NRXN1: variants seen among roughly 807,000 people sequenced by gnomAD.
NRXN1 encodes the protein neurexin-1.
In NRXN1, 39 loss-of-function variants were observed where a neutral mutation model predicts 150.9. That is an observed-to-expected ratio of 0.26 (90% confidence interval 0.20 to 0.34). The LOEUF (loss-of-function observed/expected upper bound fraction) is 0.34. Ranked by LOEUF, NRXN1 falls within the 10% of genes least tolerant of loss-of-function variation. The pLI, the probability that NRXN1 is intolerant of heterozygous loss-of-function variation, is 1.00. For synonymous variants in NRXN1, 924 were observed against 757.0 expected (o/e 1.22, Z -3.62); for missense variants, 1,815 against 1,949.9 (o/e 0.93, Z 1.30).
At position 50,423,139 on chromosome 2, in the gene NRXN1, C is replaced by T. The variant is rs189562469; in HGVS notation, c.3364+42303G>A. 8.8e-4 allele frequency among the ~76,000 whole-genome samples: 134 copies of T among 152,230 alleles called. 1 individual carries two copies. Among genetic ancestry groups the T allele is most frequent in the Admixed American group, 1.2e-3 (19 of 15,282 alleles). ...TTCCCTGGTGAAACATATTCCTTTC[C>T]TGTCTATCTTTACTTAAGCCTTCTC... On this transcript the variant is annotated intron_variant, in intron 17 of 22. Coordinates refer to ENST00000401669, the MANE Select transcript of NRXN1 (RefSeq NM_001330078.2).
At chr2:50,845,053 C>T (rs1673440506) in intron 5 of NRXN1, among the ~76,000 whole-genome samples, 1 of 151,484 alleles carries the variant, frequency 6.6e-6, no homozygotes, top group Non-Finnish European at 1.5e-5. Context: ...GATAGGCTCC[C>T]CCATATTGCC....
chr2:50,935,307 C>T (rs540337462), intron 2 of NRXN1, among the ~76,000 whole-genome samples: 30 of 152,132 alleles, frequency 2.0e-4, no homozygotes, highest in Admixed American at 6.6e-4. Context: ...AGAGATAAGG[C>T]AATTGGATAA....
intron 17 of NRXN1, among the ~76,000 whole-genome samples, chr2:50,291,388 C>T (rs996933267): frequency 1.8e-4 from 27 of 152,162 alleles, no homozygotes; most frequent in African/African-American, 6.3e-4. Context: ...ACCCACTCTA[C>T]ACTAGATATC....
intron 5 of NRXN1, among the ~76,000 whole-genome samples, chr2:50,920,782 T>C (rs1184522600): frequency 1.3e-5 from 2 of 151,788 alleles, no homozygotes; most frequent in African/African-American, 2.4e-5. Context: ...CTATTGAAAA[T>C]AGCTGCCAAA....
At chr2:50,003,070 C>G (rs1326564224) in intron 21 of NRXN1, among the ~76,000 whole-genome samples, 2 of 152,052 alleles carry the variant, frequency 1.3e-5, no homozygotes, top group African/African-American at 4.8e-5. Context: ...AAGTTTTTCT[C>G]TCTTAGACAA....
rs567791820 is a variant in NRXN1 at position 50,907,618 on chromosome 2, C to T, written c.832+14251G>A. On this transcript the variant is annotated intron_variant, in intron 5 of 22. Coordinates refer to ENST00000401669, the MANE Select transcript of NRXN1 (RefSeq NM_001330078.2). ...CAAGCTCCTTACAAGTGGAAGAAAA[C>T]AGCAGAAGAGGAGTCAGAGGAAAAT... Among the ~76,000 whole-genome samples, 15 of 152,034 alleles carry T rather than the reference C, an allele frequency of 9.9e-5. 1 individual carries two copies. Among genetic ancestry groups the T allele is most frequent in the African/African-American group, 3.6e-4 (15 of 41,480 alleles).
chr2:50,153,673 A>C (rs1401925976), intron 18 of NRXN1, among the ~76,000 whole-genome samples: 1 of 151,724 alleles, frequency 6.6e-6, no homozygotes, highest in African/African-American at 2.4e-5. Context: ...GAATGTCTAA[A>C]TCTTTATTTT....
chr2:50,600,886 G>A (rs1191560523), intron 8 of NRXN1, among the ~76,000 whole-genome samples: 1 of 152,036 alleles, frequency 6.6e-6, no homozygotes, highest in East Asian at 1.9e-4. Flanking sequence ...GAAGGATTCT[G>A]ACATTTAGAA....
At chr2:50,627,353 A>ATG (rs1461501689) in intron 5 of NRXN1, among the ~76,000 whole-genome samples, 3 of 81,232 alleles carry the variant, frequency 3.7e-5, no homozygotes, top group African/African-American at 1.0e-4. Flanking sequence ...GTTCTGGTTC[A>ATG]TGTATGTGTG....
intron 18 of NRXN1, among the ~76,000 whole-genome samples, chr2:50,151,781 A>G (rs1055379484): frequency 5.9e-5 from 9 of 151,728 alleles, no homozygotes; most frequent in African/African-American, 1.9e-4. Flanking sequence ...TAAGTTTACT[A>G]AAAATTAGAT....
chr2:50,921,815 G>T, intron 5 of NRXN1, 54 bp downstream of exon 5: 1 of 899,078 alleles, frequency 1.1e-6, no homozygotes, highest in Non-Finnish European at 1.6e-6. Flanking sequence ...ATGTAACTCA[G>T]ACACACTGTA....
At chr2:50,052,476 TC>T (rs962481232) in intron 21 of NRXN1, among the ~76,000 whole-genome samples, 1 of 152,156 alleles carries the variant, frequency 6.6e-6, no homozygotes, top group Non-Finnish European at 1.5e-5. Flanking sequence ...GGTTTTTTTT[TC>T]CCTGTGTTCT....
chr2:50,667,859 C>T (rs698843), intron 5 of NRXN1, among the ~76,000 whole-genome samples: 139,575 of 152,030 alleles, frequency 0.92, 64,274 homozygotes, highest in African/African-American at 0.98. Context: ...GTTGGTTAAG[C>T]CCCAGTGACA....
intron 18 of NRXN1, among the ~76,000 whole-genome samples, chr2:50,191,198 G>GTTTTT (rs199985011): frequency 3.4e-5 from 4 of 117,522 alleles, no homozygotes; most frequent in Non-Finnish European, 1.8e-5. Flanking sequence ...TCAGCTAATT[G>GTTTTT]TTTTTTGTTT....
chr2:50,994,438 G>A (rs1698982852), intron 2 of NRXN1, among the ~76,000 whole-genome samples: 1 of 151,968 alleles, frequency 6.6e-6, no homozygotes, highest in Admixed American at 6.6e-5. Flanking sequence ...ATTCAGCTTT[G>A]CATAAGTCCC....
chr2:50,826,814 T>C (rs1670509118), intron 5 of NRXN1, among the ~76,000 whole-genome samples: 2 of 152,174 alleles, frequency 1.3e-5, no homozygotes, highest in South Asian at 4.1e-4. Context: ...GCAGAGGGTT[T>C]TTTACATAAA....
intron 18 of NRXN1, among the ~76,000 whole-genome samples, chr2:50,173,534 A>G (rs1294479096): frequency 6.6e-6 from 1 of 152,204 alleles, no homozygotes; most frequent in East Asian, 1.9e-4. Flanking sequence ...AAACCAGTTT[A>G]AAACTCTGAA....
chr2:50,021,850 ATATT>A (rs1475982485), intron 21 of NRXN1, among the ~76,000 whole-genome samples: 2 of 152,062 alleles, frequency 1.3e-5, no homozygotes, highest in African/African-American at 2.4e-5. Context: ...GTTAATGGTA[ATATT>A]TATTTATTTA....
chr2:50,879,507 A>T (rs1216779723), intron 5 of NRXN1, among the ~76,000 whole-genome samples: 1 of 151,922 alleles, frequency 6.6e-6, no homozygotes, highest in Non-Finnish European at 1.5e-5. Flanking sequence ...CATGCTTTAA[A>T]TGTATGTGTT....
Sources: allele counts gnomAD v4.1 joint callset (sites outside exome capture counted in the v4.1 genomes callset), GRCh38; gene constraint gnomAD v4.1.1; transcripts MANE v1.5; gene names NCBI Gene and HGNC (gene_info 2026-07-23, HGNC 2026-07-21).